Variants in EPB41 observed in about 807,000 individuals in gnomAD.
The protein encoded by EPB41 is erythrocyte membrane protein band 4.1.
In EPB41, 65 loss-of-function variants were observed where a neutral mutation model predicts 108.0. The observed-to-expected ratio is 0.60, with a 90% confidence interval of 0.49 to 0.74. EPB41 has a LOEUF of 0.74. Ranked by LOEUF, EPB41 falls within the 30% of genes least tolerant of loss-of-function variation. The pLI is 0.00. For synonymous variants in EPB41, 336 were observed against 358.9 expected (o/e 0.94, Z 0.72); for missense variants, 875 against 1,037.0 (o/e 0.84, Z 2.15).
intron 11 of EPB41, among the ~76,000 whole-genome samples, chr1:29,052,700 A>G (rs555774709): frequency 1.3e-5 from 2 of 152,226 alleles, no homozygotes; most frequent in South Asian, 4.1e-4. Context: ...TAACCTAAAA[A>G]TGAACACATC....
chr1:29,079,993 A>G (rs1655781610), intron 16 of EPB41, among the ~76,000 whole-genome samples: 1 of 152,096 alleles, frequency 6.6e-6, no homozygotes, highest in African/African-American at 2.4e-5. Context: ...CAAAACTCTT[A>G]TCTCAAAAAA....
intron 18 of EPB41, among the ~76,000 whole-genome samples, chr1:29,109,987 T>C (rs1158619041): frequency 1.3e-5 from 2 of 151,904 alleles, no homozygotes; most frequent in East Asian, 3.9e-4. Context: ...TGAGCAGAGA[T>C]TGCGCCACTG....
At chr1:28,908,814 C>G (rs1285370772) in intron 1 of EPB41, among the ~76,000 whole-genome samples, 1 of 151,834 alleles carries the variant, frequency 6.6e-6, no homozygotes, top group East Asian at 1.9e-4. Context: ...TATCCGCTTG[C>G]TAGCTTTGTT....
At position 29,104,235 on chromosome 1, in the gene EPB41, C is replaced by T. The variant is rs191074419; in HGVS notation, c.2314-5101C>T. Among the ~76,000 whole-genome samples the T allele has an allele frequency of 1.2e-4, 18 of 152,232 alleles. No individual in the cohort carries two copies. The East Asian group carries it at 1.9e-3, about 16-fold the overall frequency. On this transcript the variant is annotated intron_variant, in intron 17 of 20. Coordinates refer to ENST00000343067, the MANE Select transcript of EPB41 (RefSeq NM_001376013.1). ...ATAATAAGCACTAGATATTCATTTG[C>T]AATTGTTATTATTTATTTACTATTT... is the stretch of plus-strand genomic sequence containing the variant.
Position 28,887,294 on chromosome 1 carries a change from G to T in EPB41, c.-8+84G>T. On this transcript the variant is annotated intron_variant, in intron 1 of 16. Transcript: ENST00000347529. This position sits in a 1 kb window ranked among gnomAD's most constrained non-coding sequence, Gnocchi z 4.9. ...CAGAAGAACCTACCCCCAAGGGCTCGGACCGTCCCGGGAGAGGCGAGACCA... is the reference window on the plus strand; with the variant it reads ...CAGAAGAACCTACCCCCAAGGGCTCTGACCGTCCCGGGAGAGGCGAGACCA... 2.9e-5 allele frequency: 36 copies of T among 1,232,582 alleles called. No homozygotes were observed. The highest frequency in any genetic ancestry group is 3.6e-5 in the Non-Finnish European group (35 of 961,034). 76.4% of individuals were successfully genotyped at this position (1,232,582 alleles called of 1,614,324 possible). A position where few individuals can be genotyped will look rare whatever the true frequency, so the allele number is the denominator to read the frequency against.
intron 11 of EPB41, 120 bp downstream of exon 11, chr1:29,039,546 C>A: frequency 7.8e-7 from 1 of 1,287,522 alleles, no homozygotes; most frequent in Non-Finnish European, 1.1e-6. Flanking sequence ...GGTGCAGTGG[C>A]TTACACCTGT....
chr1:28,997,159 G>A, intron 3 of EPB41, 56 bp from the exon 4 acceptor site: 1 of 1,328,762 alleles, frequency 7.5e-7, no homozygotes, highest in Non-Finnish European at 1.1e-6. Context: ...CTCTTTTGGG[G>A]AAAAAATAAA....
At chr1:28,913,935 A>G (rs1207481448), upstream of EPB41, among the ~76,000 whole-genome samples, 1 of 152,204 alleles carries the variant, frequency 6.6e-6, no homozygotes, top group Non-Finnish European at 1.5e-5. Flanking sequence ...CCTTAAATGC[A>G]GAAGACAGGT....
intron 16 of EPB41, among the ~76,000 whole-genome samples, chr1:29,087,370 C>CT (rs1428329253): frequency 6.6e-6 from 1 of 150,450 alleles, no homozygotes; most frequent in Non-Finnish European, 1.5e-5. Flanking sequence ...CCATATCCTG[C>CT]TTTTTTTTTG....
chr1:28,895,886 G>A (rs980954682), intron 1 of EPB41, among the ~76,000 whole-genome samples: 15 of 152,136 alleles, frequency 9.9e-5, no homozygotes, highest in East Asian at 1.9e-4. Flanking sequence ...ACCAGTACAC[G>A]GCTGGTGGGA....
chr1:28,918,457 T>G (rs902063332), intron 1 of EPB41, among the ~76,000 whole-genome samples: 1 of 152,222 alleles, frequency 6.6e-6, no homozygotes, highest in Non-Finnish European at 1.5e-5. Flanking sequence ...CTTTAATTAC[T>G]TGAACATGGA....
At chr1:28,905,818 C>CTTTTTTTT (rs573552880) in intron 1 of EPB41, among the ~76,000 whole-genome samples, 1 of 133,860 alleles carries the variant, frequency 7.5e-6, no homozygotes, top group Non-Finnish European at 1.6e-5. Context: ...TTCTTTCTTT[C>CTTTTTTTT]TTTTTTTTTT....
chr1:28,925,391 A>G (rs2148391872), intron 1 of EPB41, among the ~76,000 whole-genome samples: 1 of 152,220 alleles, frequency 6.6e-6, no homozygotes, highest in African/African-American at 2.4e-5. Flanking sequence ...GATTATAGTC[A>G]TGAGCCACCA....
chr1:29,013,770 C>G (rs1053647825), intron 5 of EPB41, among the ~76,000 whole-genome samples: 5 of 150,826 alleles, frequency 3.3e-5, no homozygotes, highest in African/African-American at 1.2e-4. Flanking sequence ...CTCGGGTGAT[C>G]CACCCTCCTT....
intron 1 of EPB41, among the ~76,000 whole-genome samples, chr1:28,950,781 A>G (rs1557786498): frequency 6.6e-6 from 1 of 152,212 alleles, no homozygotes; most frequent in Non-Finnish European, 1.5e-5. Context: ...CTCTTTACAG[A>G]TAGAGGCAGC....
intron 1 of EPB41, among the ~76,000 whole-genome samples, chr1:28,915,409 C>T (rs2148069788): frequency 1.3e-5 from 2 of 152,176 alleles, no homozygotes; most frequent in Middle Eastern, 6.8e-3. Context: ...CCTCCGTGCT[C>T]GCTGGGCTGC....
intron 11 of EPB41, among the ~76,000 whole-genome samples, chr1:29,052,465 GA>G (rs772783830): frequency 2.6e-5 from 4 of 152,184 alleles, no homozygotes; most frequent in Non-Finnish European, 5.9e-5. Flanking sequence ...TAGGTTTGAG[GA>G]CTGACAGTCA....
At chr1:28,985,024 G>T (rs1279159725) in intron 1 of EPB41, among the ~76,000 whole-genome samples, 3 of 151,694 alleles carry the variant, frequency 2.0e-5, no homozygotes, top group Non-Finnish European at 4.4e-5. Context: ...GAGTACAATG[G>T]CATGATCTCA....
chr1:28,969,536 C>T (rs557975979), intron 1 of EPB41, among the ~76,000 whole-genome samples: 24 of 151,880 alleles, frequency 1.6e-4, no homozygotes, highest in African/African-American at 4.8e-4. Context: ...GAGGCCGAGG[C>T]GGGTGGATCA....
Sources: gnomAD v4.1 joint callset for allele counts (sites outside exome capture counted in the v4.1 genomes callset) on GRCh38, gnomAD v4.1.1 for gene constraint, Gnocchi (gnomAD v3.1) non-coding constraint, MANE v1.5 for transcripts, NCBI Gene and HGNC (gene_info 2026-07-23, HGNC 2026-07-21) for gene names.